COL8A1: variants seen among roughly 807,000 people sequenced by gnomAD.
The protein encoded by COL8A1 is collagen alpha-1(VIII) chain.
A neutral mutation model predicts 42.7 loss-of-function variants in COL8A1; 21 were observed. The ratio of observed to expected loss-of-function variants is 0.49; its 90% CI spans 0.35 to 0.71. The LOEUF (loss-of-function observed/expected upper bound fraction) is 0.71. COL8A1 is among the 30% of genes least tolerant of loss of function. COL8A1 has a pLI of 0.01. For synonymous variants in COL8A1, 367 were observed against 369.1 expected, an observed-to-expected ratio of 0.99 and a Z score of 0.06; for missense variants, 788 against 962.4, an observed-to-expected ratio of 0.82 and a Z score of 2.40.
chr3:99,678,943 T>C (rs1938783307), intron 1 of COL8A1: 1 of 152,216 alleles, frequency 6.6e-6, no homozygotes, highest in Non-Finnish European at 1.5e-5. Flanking sequence ...AATTGTCCTA[T>C]ATATTGAGGG....
At chr3:99,681,719 G>T (rs780677992) in intron 1 of COL8A1, among the ~76,000 whole-genome samples, 7 of 152,148 alleles carry the variant, frequency 4.6e-5, no homozygotes, top group Middle Eastern at 3.2e-3. Context: ...AAGTCACTAA[G>T]GGAGATTTTC....
chr3:99,774,442 C>A (rs916679852), intron 2 of COL8A1, among the ~76,000 whole-genome samples: 3 of 151,960 alleles, frequency 2.0e-5, no homozygotes, highest in African/African-American at 7.3e-5. Flanking sequence ...CATTTGCATT[C>A]TTTTGCAAGT....
At chr3:99,773,367 A>C (rs914998380) in intron 2 of COL8A1, among the ~76,000 whole-genome samples, 31 of 152,194 alleles carry the variant, frequency 2.0e-4, no homozygotes, top group African/African-American at 6.7e-4. Flanking sequence ...GGCAGCCAAG[A>C]GTGAGCCAAA....
chr3:99,740,865 T>A (rs1225765879), intron 1 of COL8A1, among the ~76,000 whole-genome samples: 1 of 152,188 alleles, frequency 6.6e-6, no homozygotes, highest in Non-Finnish European at 1.5e-5. Context: ...TATTCTATAA[T>A]ATAAAATACA....
chr3:99,768,058 A>C (rs545255785), intron 2 of COL8A1, among the ~76,000 whole-genome samples: 1 of 152,340 alleles, frequency 6.6e-6, no homozygotes, highest in South Asian at 2.1e-4. Flanking sequence ...TCAAATTGAA[A>C]ATAAAATCAA....
intron 2 of COL8A1, among the ~76,000 whole-genome samples, chr3:99,776,396 GAATC>G (rs1474252012): frequency 2.6e-5 from 4 of 152,124 alleles, no homozygotes; most frequent in African/African-American, 9.7e-5. Flanking sequence ...AGTTGTGCCT[GAATC>G]CTCTACAGCT....
chr3:99,710,181 C>T lies in COL8A1; in HGVS notation c.-128-34716C>T, dbSNP rs574559291. 2.2e-3 allele frequency among the ~76,000 whole-genome samples: 329 copies of T among 152,202 alleles called. 1 individual carries two copies. Among genetic ancestry groups the T allele is most frequent in the Non-Finnish European group, 4.0e-3 (270 of 68,002 alleles). On this transcript the variant is annotated intron_variant, in intron 1 of 3. Transcript: ENST00000652472. Reference sequence around the variant, plus strand: ...TATATGTTAAACTAGAAGAAGATGACCTGGAAATCCCAGAGCAGAGCAGCA... The same window carrying T: ...TATATGTTAAACTAGAAGAAGATGATCTGGAAATCCCAGAGCAGAGCAGCA...
intron 1 of COL8A1, among the ~76,000 whole-genome samples, chr3:99,650,973 A>C (rs1223747311): frequency 1.3e-5 from 2 of 152,320 alleles, no homozygotes; most frequent in Admixed American, 6.5e-5. Flanking sequence ...TGTTCAATGC[A>C]TTGCCTGACT....
rs1255417047 is a variant in COL8A1, at chr3:99,753,682, A to T, written c.-4+8661A>T. On this transcript the variant is annotated intron_variant, in intron 2 of 3. Transcript: ENST00000652472. ...TACACAAAACTATGTTCAAAATGAGATCCCTTAAGGATAAAGTCTAATGTG... is the reference window on the plus strand; with the variant it reads ...TACACAAAACTATGTTCAAAATGAGTTCCCTTAAGGATAAAGTCTAATGTG... Among the ~76,000 whole-genome samples the T allele has an allele frequency of 2.0e-5, 3 of 152,150 alleles. No homozygotes were observed. The East Asian group carries it at 5.8e-4, about 29-fold the overall frequency.
Position 99,795,624 on chromosome 3 carries a change from C to T in COL8A1, c.1723C>T (p.Pro575Ser), listed in dbSNP as rs758122778. The T allele has an allele frequency of 1.9e-6, 3 of 1,613,118 alleles. No individual in the cohort carries two copies. In the East Asian group the frequency reaches 6.7e-5, roughly 36 times the overall value. Reference protein sequence around the residue: ...PGPPGPPAVMPPTPPPQGEYL... With the variant: ...PGPPGPPAVMSPTPPPQGEYL... ...ACCTCCAGGACCCCCAGCTGTGATG[C>T]CCCCTACACCACCACCCCAGGGAGA... Residue 575 changes from proline (P) to serine (S), a missense_variant, in exon 4 of 4, where the codon CCC becomes TCC. Pro to Ser is a moderately conservative substitution (Grantham distance 74). Coordinates refer to ENST00000652472, the MANE Select transcript of COL8A1 (RefSeq NM_020351.4).
intron 1 of COL8A1, among the ~76,000 whole-genome samples, chr3:99,671,578 C>G (rs1490768093): frequency 6.6e-6 from 1 of 151,952 alleles, no homozygotes; most frequent in Non-Finnish European, 1.5e-5. Flanking sequence ...TGTCTTTTCA[C>G]CAACATCTTC....
chr3:99,738,567 G>A (rs543903534), intron 1 of COL8A1, among the ~76,000 whole-genome samples: 2 of 152,350 alleles, frequency 1.3e-5, no homozygotes, highest in Non-Finnish European at 2.9e-5. Context: ...CACTTGAGGA[G>A]GCAGTCTGCC....
Position 99,697,989 on chromosome 3 carries a change from C to G in COL8A1, c.-128-46908C>G, listed in dbSNP as rs574650420. Among the ~76,000 whole-genome samples, 3 of 152,202 alleles carry G rather than the reference C, an allele frequency of 2.0e-5. No homozygotes were observed. In the South Asian group the frequency reaches 6.2e-4, roughly 32 times the overall value. ...CCACCCCCTCACCCACTGATAGGCC[C>G]CGGTGTGTGATGTTCCCTGCCCTGT... On this transcript the variant is annotated intron_variant, in intron 1 of 3. Transcript: ENST00000652472.
chr3:99,650,121 C>T (rs916076701), intron 1 of COL8A1, among the ~76,000 whole-genome samples: 5 of 152,190 alleles, frequency 3.3e-5, no homozygotes, highest in African/African-American at 1.2e-4. Context: ...TGGGCTACTA[C>T]TCCCCCAAAC....
chr3:99,735,810 T>C (rs1940691098), intron 1 of COL8A1, among the ~76,000 whole-genome samples: 1 of 152,154 alleles, frequency 6.6e-6, no homozygotes, highest in Non-Finnish European at 1.5e-5. Flanking sequence ...AAGCTATTGA[T>C]TATTGCCACA....
chr3:99,786,350 T>G (rs778323857), intron 2 of COL8A1, among the ~76,000 whole-genome samples: 2 of 152,152 alleles, frequency 1.3e-5, no homozygotes, highest in Admixed American at 6.6e-5. Context: ...AGATCATGAG[T>G]GCAAAGTCCT....
intron 1 of COL8A1, among the ~76,000 whole-genome samples, chr3:99,686,674 T>G (rs778248392): frequency 8.5e-5 from 13 of 152,168 alleles, no homozygotes; most frequent in Non-Finnish European, 1.6e-4. Context: ...GCTCTATAAC[T>G]GCTCATCTCT....
At chr3:99,771,037 G>A (rs1232680045) in intron 2 of COL8A1, among the ~76,000 whole-genome samples, 2 of 152,128 alleles carry the variant, frequency 1.3e-5, no homozygotes, top group Non-Finnish European at 2.9e-5. Context: ...AAGACCTTTT[G>A]GGCAGAAAAA....
At chr3:99,669,146 T>TATATATATAGAGAG in intron 1 of COL8A1, among the ~76,000 whole-genome samples, 6 of 115,364 alleles carry the variant, frequency 5.2e-5, no homozygotes, top group African/African-American at 1.2e-4. Flanking sequence ...TATATATATA[T>TATATATATAGAGAG]AGAGGGAGAG....
Sources: allele counts gnomAD v4.1 joint callset (sites outside exome capture counted in the v4.1 genomes callset), GRCh38; gene constraint gnomAD v4.1.1; transcripts MANE v1.5; gene names NCBI Gene and HGNC (gene_info 2026-07-23, HGNC 2026-07-21).